UXS1: variants seen among roughly 807,000 people sequenced by gnomAD.
UXS1 encodes UDP-glucuronate decarboxylase 1.
UXS1 carries 33 observed loss-of-function variants against 62.6 expected under a neutral mutation model. The ratio of observed to expected loss-of-function variants is 0.53; its 90% CI spans 0.40 to 0.70. UXS1 has a LOEUF of 0.70. UXS1 is among the 30% of genes least tolerant of loss of function. The pLI is 0.00. For missense variants in UXS1, 434 were observed against 556.3 expected (o/e 0.78, Z 2.21); for synonymous variants, 213 against 206.8 (o/e 1.03, Z -0.26).
At chr2:106,099,790 A>T (rs953890067) in intron 12 of UXS1, among the ~76,000 whole-genome samples, 17 of 152,176 alleles carry the variant, frequency 1.1e-4, no homozygotes, top group Admixed American at 9.8e-4. Context: ...AAGCAAAATG[A>T]GGCTTACAGT....
At chr2:106,116,248 T>C (rs1558690844) in intron 9 of UXS1, among the ~76,000 whole-genome samples, 1 of 152,190 alleles carries the variant, frequency 6.6e-6, no homozygotes. Context: ...AGTGATTTTA[T>C]CTTAGAAAAT....
At chr2:106,121,108 T>C (rs1361860439) in intron 9 of UXS1, among the ~76,000 whole-genome samples, 13 of 152,132 alleles carry the variant, frequency 8.5e-5, no homozygotes, top group Non-Finnish European at 1.8e-4. Context: ...ATGTTAGCAT[T>C]TGTGTGAAAT....
At chr2:106,189,546 CTCCT>C (rs751836912) in intron 1 of UXS1, among the ~76,000 whole-genome samples, 149,072 of 152,156 alleles carry the variant, frequency 0.98, 73,090 homozygotes, top group South Asian at 1. Context: ...TTCCGCTCAG[CTCCT>C]GGGCAGGCCA....
In UXS1 at chr2:106,165,929, T is replaced by A. The variant is rs971641482; in HGVS notation, c.122+127A>T. On this transcript the variant is annotated intron_variant, in intron 2 of 14. Transcript: ENST00000283148. ...AAAAGAAACAGCTCAGATATGTGAA[T>A]AGCAAGAACCCACTTTTGTTTTAAA... The A allele has an allele frequency of 5.9e-6, 5 of 848,950 alleles. No homozygotes were observed. In the South Asian group the frequency reaches 1.1e-4, roughly 19 times the overall value. 52.6% of individuals were successfully genotyped at this position (848,950 alleles called of 1,614,324 possible). A position where few individuals can be genotyped will look rare whatever the true frequency, so the allele number is the denominator to read the frequency against.
rs1368635904 is a variant in UXS1 at position 106,194,293 on chromosome 2, G to A, written c.-52C>T. ...CCTACCGCGCGGGGGCCCGCCTGCT[G>A]CACAATGCGCGGCGGCGGCGGCGGC... On this transcript the variant is annotated 5_prime_UTR_variant, in exon 1 of 15. Coordinates refer to ENST00000283148, the MANE Select transcript of UXS1 (RefSeq NM_001253875.2). 9 of 1,078,560 alleles carry A rather than the reference G, an allele frequency of 8.3e-6. No homozygotes were observed. Among genetic ancestry groups the A allele is most frequent in the Non-Finnish European group, 5.8e-6 (5 of 867,812 alleles). The allele number at this position is 1,078,560 out of a possible 1,614,324, so 66.8% of individuals were successfully genotyped here.
intron 10 of UXS1, among the ~76,000 whole-genome samples, chr2:106,110,877 T>C (rs1054333687): frequency 6.6e-6 from 1 of 152,190 alleles, no homozygotes; most frequent in Non-Finnish European, 1.5e-5. Context: ...GTAACTAGCC[T>C]GGTGCCATAA....
chr2:106,138,136 C>A (rs1054247694), intron 6 of UXS1: 25 of 982,888 alleles, frequency 2.5e-5, no homozygotes, highest in Non-Finnish European at 7.2e-6. Context: ...CAGGAAGCCT[C>A]TCCGACATCA....
chr2:106,126,960 T>C (rs2104938134), intron 7 of UXS1, among the ~76,000 whole-genome samples: 1 of 152,306 alleles, frequency 6.6e-6, no homozygotes, highest in Middle Eastern at 3.4e-3. Flanking sequence ...TCCATGTCTA[T>C]AATTGTGTCA....
At chr2:106,160,993 A>G (rs1479760085) in intron 4 of UXS1, among the ~76,000 whole-genome samples, 1 of 152,176 alleles carries the variant, frequency 6.6e-6, no homozygotes, top group African/African-American at 2.4e-5. Context: ...CAGGAAGGGG[A>G]GAGTGCCTGT....
In UXS1 at chr2:106,104,688, G is replaced by A. The variant is rs141533734; in HGVS notation, c.923+106C>T. On this transcript the variant is annotated intron_variant, in intron 11 of 14. Coordinates refer to ENST00000283148, the MANE Select transcript of UXS1 (RefSeq NM_001253875.2). ...TTTTTAATCAATATATAGTGTTAGC[G>A]TTGTGGAAATGGTTAACATATACAA... 317 of 1,380,170 alleles carry A rather than the reference G, an allele frequency of 2.3e-4. 1 individual carries two copies. Among genetic ancestry groups the A allele is most frequent in the African/African-American group, 8.0e-4 (56 of 70,164 alleles). The allele number at this position is 1,380,170 out of a possible 1,614,324, so 85.5% of individuals were successfully genotyped here. A position where few individuals can be genotyped will look rare whatever the true frequency, so the allele number is the denominator to read the frequency against.
Position 106,104,866 on chromosome 2 carries a change from T to C in UXS1, c.880-29A>G, listed in dbSNP as rs757606778. On this transcript the variant is annotated intron_variant, in intron 10 of 14. Coordinates refer to ENST00000283148, the MANE Select transcript of UXS1 (RefSeq NM_001253875.2). ...GAAGGAAACCAACAGTTAGGCCTCC[T>C]GATAAAACCACACCCGTCCTGCGTA... 9.9e-6 allele frequency: 16 copies of C among 1,613,778 alleles called. No individual in the cohort carries two copies. The East Asian group carries it at 3.3e-4, about 34-fold the overall frequency.
chr2:106,193,594 G>A (rs1280643365), intron 1 of UXS1, among the ~76,000 whole-genome samples: 1 of 152,096 alleles, frequency 6.6e-6, no homozygotes, highest in African/African-American at 2.4e-5. Flanking sequence ...ATGCCGGTGC[G>A]CCCCGACACC....
chr2:106,181,291 ATC>A (rs1247487575), intron 1 of UXS1, among the ~76,000 whole-genome samples: 19 of 152,110 alleles, frequency 1.2e-4, no homozygotes, highest in Non-Finnish European at 1.2e-4. Context: ...CTGGAACCTC[ATC>A]TCTCTCTGAA....
intron 13 of UXS1, among the ~76,000 whole-genome samples, chr2:106,098,349 C>T (rs762309365): frequency 3.3e-5 from 5 of 152,222 alleles, no homozygotes; most frequent in African/African-American, 1.2e-4. Flanking sequence ...GCCTGAAGCA[C>T]GCAGCTGGTG....
chr2:106,137,831 A>T (rs1404245307), intron 6 of UXS1, among the ~76,000 whole-genome samples: 6 of 152,156 alleles, frequency 3.9e-5, no homozygotes, highest in African/African-American at 1.4e-4. Context: ...TAAAATTAAA[A>T]TTTTAAAAAA....
At chr2:106,189,786 A>C (rs1186025938) in intron 1 of UXS1, among the ~76,000 whole-genome samples, 1 of 152,240 alleles carries the variant, frequency 6.6e-6, no homozygotes, top group African/African-American at 2.4e-5. Context: ...ATTCTAAAGG[A>C]ACTTTTTTTC....
intron 12 of UXS1, among the ~76,000 whole-genome samples, chr2:106,099,589 C>T (rs1288596711): frequency 2.0e-5 from 3 of 152,156 alleles, no homozygotes; most frequent in Non-Finnish European, 2.9e-5. Context: ...CTGGCAGACA[C>T]ACGATTCCAA....
intron 10 of UXS1, 104 bp from the exon 11 acceptor site, chr2:106,104,941 A>C: frequency 1.4e-6 from 2 of 1,391,680 alleles, no homozygotes; most frequent in Non-Finnish European, 2.0e-6. Context: ...AACTGATCCC[A>C]GGGGGCAGTG....
In UXS1 at chr2:106,125,605, G is replaced by C. The variant is rs1679872611; in HGVS notation, c.637+15C>G. The C allele has an allele frequency of 6.4e-7, 1 of 1,558,012 alleles. No homozygotes were observed. Among genetic ancestry groups the C allele is most frequent in the Non-Finnish European group, 8.7e-7 (1 of 1,151,546 alleles). On this transcript the variant is annotated intron_variant, in intron 8 of 14. Transcript: ENST00000283148. ...GGGCTGGAGTGAACATCTCCTGAGA[G>C]AGCCTCCTACTCACCTCCATACACC...
Sources: allele counts gnomAD v4.1 joint callset (sites outside exome capture counted in the v4.1 genomes callset), GRCh38; gene constraint gnomAD v4.1.1; transcripts MANE v1.5; gene names NCBI Gene and HGNC (gene_info 2026-07-23, HGNC 2026-07-21).